PIWIL1: variants seen among roughly 807,000 people sequenced by gnomAD.
PIWIL1 encodes the protein piwi like RNA-mediated gene silencing 1.
In PIWIL1, 73 loss-of-function variants were observed where a neutral mutation model predicts 114.4. The ratio of observed to expected loss-of-function variants is 0.64; its 90% CI spans 0.53 to 0.78. PIWIL1 has a LOEUF of 0.78. PIWIL1 is among the 30% of genes least tolerant of loss of function. PIWIL1 has a pLI of 0.00. For synonymous variants in PIWIL1, 375 were observed against 369.0 expected (o/e 1.02, Z -0.19); for missense variants, 723 against 1,063.1 (o/e 0.68, Z 4.45).
rs2072754271 is a variant in PIWIL1 at position 130,337,939 on chromosome 12, T to A, written c.-220T>A. On this transcript the variant is annotated 5_prime_UTR_variant, in exon 1 of 21. Transcript: ENST00000245255. ...GAGGCCGGCGCCCGGGAGGCGGTGT[T>A]CATCCGCCCGGGAAAAGAGCGCCTG... 6.2e-6 allele frequency: 1 copy of A among 161,940 alleles called. No individual in the cohort carries two copies. Among genetic ancestry groups the A allele is most frequent in the South Asian group, 1.6e-4 (1 of 6,088 alleles). The allele number at this position is 161,940 out of a possible 1,614,324, so 10.0% of individuals were successfully genotyped here.
the PIWIL1 span, among the ~76,000 whole-genome samples, chr12:130,391,914 C>T: frequency 5.9e-5 from 9 of 151,630 alleles, no homozygotes; most frequent in Admixed American, 2.0e-4. Flanking sequence ...CGTCAGTGAC[C>T]TGGTGAATAT....
chr12:130,345,594 A>T, intron 3 of PIWIL1, 159 bp from the exon 4 acceptor site: 1 of 686,098 alleles, frequency 1.5e-6, no homozygotes, highest in Non-Finnish European at 2.4e-6. Flanking sequence ...TTCTCTCGTT[A>T]GGCTGGCAGA....
the PIWIL1 span, among the ~76,000 whole-genome samples, chr12:130,395,351 G>GGAGT: frequency 1.3e-5 from 2 of 152,176 alleles, no homozygotes; most frequent in Admixed American, 1.3e-4. Flanking sequence ...AGTCTGGGAG[G>GGAGT]GAGTTGGGGC....
At chr12:130,373,182 C>T (rs2073841387), downstream of PIWIL1, among the ~76,000 whole-genome samples, 1 of 152,196 alleles carries the variant, frequency 6.6e-6, no homozygotes, top group South Asian at 2.1e-4. Context: ...ACAGTGTGAC[C>T]TTCAAAAGGA....
chr12:130,406,711 A>ACTG, the PIWIL1 span, among the ~76,000 whole-genome samples: 1 of 151,960 alleles, frequency 6.6e-6, no homozygotes, highest in Non-Finnish European at 1.5e-5. Flanking sequence ...CAGCAGTGCA[A>ACTG]CCTCGGCCCA....
the PIWIL1 span, chr12:130,419,906 C>G: frequency 6.6e-6 from 1 of 152,014 alleles, no homozygotes; most frequent in Non-Finnish European, 1.5e-5. The surrounding 1 kb of genome is among the most constrained non-coding windows in gnomAD (Gnocchi z 4.3). Context: ...GTTTTTTAAT[C>G]ATGAAGGACA....
chr12:130,419,712 G>A, the PIWIL1 span: 1 of 152,184 alleles, frequency 6.6e-6, no homozygotes, highest in Non-Finnish European at 1.5e-5. This position sits in a 1 kb window ranked among gnomAD's most constrained non-coding sequence, Gnocchi z 4.3. Context: ...GGAGAATACA[G>A]AGGAGATATT....
At chr12:130,338,227 A>G (rs1593073223) in intron 1 of PIWIL1, 81 bp downstream of exon 1, 1 of 218,948 alleles carries the variant, frequency 4.6e-6, no homozygotes. Flanking sequence ...TGTGGAGGTG[A>G]GGCTCGAGGT....
rs1477396189 is a variant in PIWIL1, at chr12:130,371,256, G to T, written c.2402G>T (p.Ser801Ile). 2.5e-6 allele frequency: 4 copies of T among 1,614,064 alleles called. No individual in the cohort carries two copies. In the Admixed American group the frequency reaches 6.7e-5, roughly 27 times the overall value. ...PTHYNVIYDN[S>I]GLKPDHIQRL... ...CATTACAATGTCATCTATGACAACA[G>T]CGGCCTGAAGCCAGACCACATACAG... The change falls in exon 20 of 21, where the codon AGC (serine) becomes ATC (isoleucine). Residue 801 changes from serine to isoleucine, a missense_variant. By Grantham distance (142) the Ser-to-Ile change is moderately radical (BLOSUM62 -2). Transcript: ENST00000245255.
chr12:130,406,090 G>A, the PIWIL1 span: 2 of 884,404 alleles, frequency 2.3e-6, no homozygotes, highest in Non-Finnish European at 3.7e-6. Flanking sequence ...TTAAGAGAAG[G>A]AACGGACTAG....
chr12:130,404,729 A>C, the PIWIL1 span, among the ~76,000 whole-genome samples: 143,535 of 152,248 alleles, frequency 0.94, 68,233 homozygotes, highest in East Asian at 1. Flanking sequence ...TATTATGTCT[A>C]TTTCTTCCAA....
chr12:130,345,502 G>A (rs902900523), intron 3 of PIWIL1: 5 of 380,212 alleles, frequency 1.3e-5, no homozygotes, highest in Admixed American at 4.1e-5. Flanking sequence ...GATTCAAGGT[G>A]CACATCTCTT....
the PIWIL1 span, among the ~76,000 whole-genome samples, chr12:130,383,087 C>G: frequency 2.5e-4 from 38 of 152,302 alleles, no homozygotes; most frequent in Non-Finnish European, 5.1e-4. Context: ...TATATCAAGT[C>G]TTTACCGTTG....
intron 3 of PIWIL1, 92 bp from the exon 4 acceptor site, chr12:130,345,661 C>T: frequency 7.3e-7 from 1 of 1,373,320 alleles, no homozygotes; most frequent in African/African-American, 1.4e-5. Flanking sequence ...CCTCAGTATC[C>T]TTTGGATTAC....
intron 18 of PIWIL1, among the ~76,000 whole-genome samples, chr12:130,363,906 C>T (rs1024828887): frequency 6.6e-6 from 1 of 152,186 alleles, no homozygotes; most frequent in Non-Finnish European, 1.5e-5. Flanking sequence ...GCATGAGCCA[C>T]AACTCCCAGC....
At chr12:130,380,106 A>G in the PIWIL1 span, among the ~76,000 whole-genome samples, 1 of 110,626 alleles carries the variant, frequency 9.0e-6, no homozygotes, top group African/African-American at 5.2e-5. Context: ...CCCAATTCCC[A>G]TCCAAGCATT....
the PIWIL1 span, among the ~76,000 whole-genome samples, chr12:130,411,615 T>C: frequency 6.6e-6 from 1 of 152,156 alleles, no homozygotes. Flanking sequence ...TCTTGTATAC[T>C]TTCTGGGTCT....
intron 18 of PIWIL1, among the ~76,000 whole-genome samples, chr12:130,364,598 T>C (rs1237680832): frequency 3.9e-5 from 6 of 152,224 alleles, no homozygotes; most frequent in Non-Finnish European, 5.9e-5. Flanking sequence ...AAAGTTAATG[T>C]TCTTTCCTAT....
intron 19 of PIWIL1, among the ~76,000 whole-genome samples, 163 bp from the exon 20 acceptor site, chr12:130,371,013 A>G (rs1363479877): frequency 6.6e-6 from 1 of 152,258 alleles, no homozygotes; most frequent in African/African-American, 2.4e-5. Flanking sequence ...TGGTTCATGA[A>G]TAACAGGCTC....
Sources: gnomAD v4.1 joint callset for allele counts (sites outside exome capture counted in the v4.1 genomes callset) on GRCh38, gnomAD v4.1.1 for gene constraint, Gnocchi (gnomAD v3.1) non-coding constraint, MANE v1.5 for transcripts, NCBI Gene and HGNC (gene_info 2026-07-23, HGNC 2026-07-21) for gene names.